Variants in HS3ST4 observed in about 807,000 individuals in gnomAD.
HS3ST4 encodes the protein heparan sulfate glucosamine 3-O-sulfotransferase 4.
Under a neutral mutation model 29.2 loss-of-function variants are expected in HS3ST4, and 17 were observed. The ratio of observed to expected loss-of-function variants is 0.58; its 90% CI spans 0.40 to 0.87. The LOEUF (loss-of-function observed/expected upper bound fraction) is 0.87, where lower values mean the gene tolerates loss of function less well. HS3ST4 is among the 40% of genes least tolerant of loss of function. The pLI is 0.00. For missense variants in HS3ST4, 627 were observed against 634.5 expected (o/e 0.99, Z 0.13); for synonymous variants, 314 against 285.7 (o/e 1.10, Z -1.00).
At chr16:25,908,367 G>A (rs1968200218) in intron 1 of HS3ST4, among the ~76,000 whole-genome samples, 1 of 152,176 alleles carries the variant, frequency 6.6e-6, no homozygotes, top group African/African-American at 2.4e-5. Flanking sequence ...GTGGGGAGCA[G>A]ACCAAAGATC....
intron 1 of HS3ST4, among the ~76,000 whole-genome samples, chr16:26,028,039 G>C (rs1476411601): frequency 6.6e-6 from 1 of 152,118 alleles, no homozygotes. Flanking sequence ...TTGGGAGGCC[G>C]AGGTGGGTGG....
At chr16:25,742,170 AT>A (rs766678161) in intron 1 of HS3ST4, among the ~76,000 whole-genome samples, 2 of 152,018 alleles carry the variant, frequency 1.3e-5, no homozygotes, top group Non-Finnish European at 2.9e-5. Context: ...GCAAATCCAC[AT>A]CCCCCACCTC....
rs144038382 is a variant in HS3ST4 at position 25,808,497 on chromosome 16, C to T, written c.734+115346C>T. On this transcript the variant is annotated intron_variant, in intron 1 of 1. Transcript: ENST00000331351. ...TTATGTGTTTATCCTTCTACTGATA[C>T]CACACTATCCTTATTACTGTGGCTA... is the stretch of plus-strand genomic sequence containing the variant. Among the ~76,000 whole-genome samples, 147 of 152,240 alleles carry T rather than the reference C, an allele frequency of 9.7e-4. 1 individual carries two copies. The highest frequency in any genetic ancestry group is 3.4e-3 in the African/African-American group (142 of 41,548).
chr16:26,093,697 C>T (rs865875338), intron 1 of HS3ST4, among the ~76,000 whole-genome samples: 45 of 152,310 alleles, frequency 3.0e-4, no homozygotes, highest in South Asian at 8.3e-4. Flanking sequence ...AAATCGAGCA[C>T]CTCTTCTCCT....
intron 1 of HS3ST4, among the ~76,000 whole-genome samples, chr16:26,131,513 T>A (rs1022321242): frequency 6.6e-6 from 1 of 152,122 alleles, no homozygotes; most frequent in African/African-American, 2.4e-5. Context: ...TGTGAGAACA[T>A]GAGTATATTG....
At chr16:25,943,556 T>A (rs1164364189) in intron 1 of HS3ST4, among the ~76,000 whole-genome samples, 1 of 152,088 alleles carries the variant, frequency 6.6e-6, no homozygotes, top group Non-Finnish European at 1.5e-5. Flanking sequence ...ATAGTACTTA[T>A]GTTTAAAAAA....
intron 1 of HS3ST4, among the ~76,000 whole-genome samples, chr16:26,122,574 G>A (rs529348411): frequency 7.2e-5 from 11 of 152,276 alleles, no homozygotes; most frequent in Non-Finnish European, 7.4e-5. Context: ...AAATGCTTGC[G>A]CACCTCAGGT....
intron 1 of HS3ST4, among the ~76,000 whole-genome samples, chr16:25,724,710 A>G (rs914338192): frequency 3.3e-5 from 5 of 152,158 alleles, no homozygotes; most frequent in African/African-American, 1.2e-4. Flanking sequence ...CAGCGAAGTC[A>G]TCACCTGAAC....
intron 1 of HS3ST4, among the ~76,000 whole-genome samples, chr16:25,728,687 G>A (rs1966552598): frequency 6.6e-6 from 1 of 152,298 alleles, no homozygotes; most frequent in South Asian, 2.1e-4. Context: ...GACTCGGTGG[G>A]ATAGTGGCAA....
intron 1 of HS3ST4, among the ~76,000 whole-genome samples, chr16:26,115,255 A>G (rs893430616): frequency 6.7e-6 from 1 of 149,200 alleles, no homozygotes; most frequent in Non-Finnish European, 1.5e-5. Flanking sequence ...GTATATATAT[A>G]TACATATATA....
At chr16:25,784,107 T>C (rs982067681) in intron 1 of HS3ST4, among the ~76,000 whole-genome samples, 1 of 152,216 alleles carries the variant, frequency 6.6e-6, no homozygotes, top group African/African-American at 2.4e-5. Context: ...GTTACCATTG[T>C]AATTATTTTG....
intron 1 of HS3ST4, among the ~76,000 whole-genome samples, chr16:26,043,661 C>T (rs911546690): frequency 3.9e-5 from 6 of 152,126 alleles, no homozygotes; most frequent in Non-Finnish European, 8.8e-5. Flanking sequence ...TCATTATTAC[C>T]AGGGAGACTC....
intron 1 of HS3ST4, among the ~76,000 whole-genome samples, chr16:25,908,049 T>C (rs1191164896): frequency 1.3e-5 from 2 of 152,130 alleles, no homozygotes; most frequent in African/African-American, 4.8e-5. Flanking sequence ...TGTGTGTTTG[T>C]GATAGAAGAG....
chr16:26,006,425 G>T (rs1169302149), intron 1 of HS3ST4, among the ~76,000 whole-genome samples: 2 of 152,000 alleles, frequency 1.3e-5, no homozygotes, highest in East Asian at 3.9e-4. Flanking sequence ...TGCCCAAAGG[G>T]TTCATTTTTC....
chr16:25,762,896 A>AG (rs1555464565), intron 1 of HS3ST4, among the ~76,000 whole-genome samples: 1 of 146,060 alleles, frequency 6.8e-6, no homozygotes, highest in Admixed American at 6.7e-5. Flanking sequence ...AAAAAAAAAA[A>AG]AAAGAAAAAA....
intron 1 of HS3ST4, among the ~76,000 whole-genome samples, chr16:26,018,882 G>T (rs1969385714): frequency 6.6e-6 from 1 of 151,580 alleles, no homozygotes; most frequent in Non-Finnish European, 1.5e-5. Flanking sequence ...ACTGGCTGAA[G>T]CTAAGTAGCA....
At chr16:25,733,635 T>C (rs1966587116) in intron 1 of HS3ST4, among the ~76,000 whole-genome samples, 1 of 152,128 alleles carries the variant, frequency 6.6e-6, no homozygotes. Context: ...CAAATTTGCT[T>C]GGATTCTGTC....
chr16:26,081,642 A>G (rs1440765741), intron 1 of HS3ST4, among the ~76,000 whole-genome samples: 1 of 152,208 alleles, frequency 6.6e-6, no homozygotes, highest in Non-Finnish European at 1.5e-5. Context: ...GCCCTTAAAG[A>G]CCAGGAGAAA....
At chr16:26,027,543 C>T (rs1441541432) in intron 1 of HS3ST4, among the ~76,000 whole-genome samples, 4 of 152,150 alleles carry the variant, frequency 2.6e-5, no homozygotes, top group Admixed American at 6.5e-5. Context: ...TTTGCTTCTC[C>T]AAATTATGGT....
Sources: allele counts gnomAD v4.1 joint callset (sites outside exome capture counted in the v4.1 genomes callset), GRCh38; gene constraint gnomAD v4.1.1; transcripts MANE v1.5; gene names NCBI Gene and HGNC (gene_info 2026-07-23, HGNC 2026-07-21).